Variants in ALDH1A3 observed in about 807,000 individuals in gnomAD.
The protein encoded by ALDH1A3 is aldehyde dehydrogenase 1 family member A3, also known as retinaldehyde dehydrogenase 3.
A neutral mutation model predicts 57.5 loss-of-function variants in ALDH1A3; 28 were observed. The ratio of observed to expected loss-of-function variants is 0.49; its 90% CI spans 0.36 to 0.67. ALDH1A3 has a LOEUF of 0.67. ALDH1A3 is among the 30% of genes least tolerant of loss of function. ALDH1A3 has a pLI of 0.00. For synonymous variants in ALDH1A3, 281 were observed against 264.8 expected, an observed-to-expected ratio of 1.06 and a Z score of -0.59; for missense variants, 507 against 669.4, an observed-to-expected ratio of 0.76 and a Z score of 2.68.
At chr15:100,899,286 G>A (rs1218459620) in intron 8 of ALDH1A3, among the ~76,000 whole-genome samples, 2 of 152,182 alleles carry the variant, frequency 1.3e-5, no homozygotes, top group Non-Finnish European at 2.9e-5. Context: ...GAGCATTTCT[G>A]GCACTGTGAC....
At chr15:100,902,890 C>T (rs2041783840) in intron 9 of ALDH1A3, among the ~76,000 whole-genome samples, 1 of 152,232 alleles carries the variant, frequency 6.6e-6, no homozygotes, top group South Asian at 2.1e-4. Flanking sequence ...ATGGCATATG[C>T]CCAGCAGCCA....
At position 100,900,557 on chromosome 15, in the gene ALDH1A3, T is replaced by C; in HGVS notation, c.884-18T>C. The C allele has an allele frequency of 1.3e-6, 2 of 1,563,364 alleles. No homozygotes were observed. Among genetic ancestry groups the C allele is most frequent in the African/African-American group, 1.4e-5 (1 of 73,784 alleles). On this transcript the variant is annotated intron_variant, in intron 8 of 12. Coordinates refer to ENST00000329841, the MANE Select transcript of ALDH1A3 (RefSeq NM_000693.4). ...CTTCCTCTCGCTCTGCCCGCCTCCCTCGCCCCTCCCCCTCCAGTGGACTTG... is the reference window on the plus strand; with the variant it reads ...CTTCCTCTCGCTCTGCCCGCCTCCCCCGCCCCTCCCCCTCCAGTGGACTTG...
chr15:100,899,917 G>T lies in ALDH1A3; in HGVS notation c.884-658G>T, dbSNP rs189614353. Among the ~76,000 whole-genome samples the T allele has an allele frequency of 1.1e-4, 16 of 152,244 alleles. No individual in the cohort carries two copies. In the East Asian group the frequency reaches 3.1e-3, roughly 29 times the overall value. The stretch of plus-strand genomic sequence containing the variant: ...TTTCTTAAGAAAGCAATAGTGCGGG[G>T]GTTGGTGGTGATGAAACCAGCCAAC... On this transcript the variant is annotated intron_variant, in intron 8 of 12. Coordinates refer to ENST00000329841, the MANE Select transcript of ALDH1A3 (RefSeq NM_000693.4).
intron 9 of ALDH1A3, among the ~76,000 whole-genome samples, chr15:100,902,956 G>A (rs4246325): frequency 0.11 from 16,341 of 152,216 alleles, 1,834 homozygotes; most frequent in African/African-American, 0.29. Context: ...CTCAGGGAGG[G>A]GAAGAGCAGC....
In ALDH1A3 at chr15:100,887,554, G is replaced by A. The variant is rs2041608594; in HGVS notation, c.205-18G>A. On this transcript the variant is annotated intron_variant, in intron 2 of 12. Transcript: ENST00000329841. The surrounding 1 kb of genome is among the most constrained non-coding windows in gnomAD (Gnocchi z 4.6). ...CGTCAAAAGATGACAGTCTCTCTCTGTTGTTCTGGTCGCTCAGCCCGACGT... is the reference window on the plus strand; with the variant it reads ...CGTCAAAAGATGACAGTCTCTCTCTATTGTTCTGGTCGCTCAGCCCGACGT... The A allele has an allele frequency of 6.4e-7, 1 of 1,563,390 alleles. No homozygotes were observed. The highest frequency in any genetic ancestry group is 8.7e-7 in the Non-Finnish European group (1 of 1,152,012).
Position 100,914,527 on chromosome 15 carries a change from C to T in ALDH1A3, c.1467-174C>T, listed in dbSNP as rs117639724. The T allele has an allele frequency of 1.3e-3, 721 of 572,786 alleles. 7 individuals carry two copies. The East Asian group carries it at 0.018, about 14-fold the overall frequency. The allele number at this position is 572,786 out of a possible 1,614,324, so 35.5% of individuals were successfully genotyped here. ...TACATTTAAGTCACATATGCAGCTA[C>T]TGACACTTACTAGTGCTGTTATAGT... On this transcript the variant is annotated intron_variant, in intron 12 of 12. Transcript: ENST00000329841.
intron 8 of ALDH1A3, among the ~76,000 whole-genome samples, chr15:100,899,943 G>A (rs141293693): frequency 2.6e-5 from 4 of 152,298 alleles, no homozygotes; most frequent in Non-Finnish European, 1.5e-5. Flanking sequence ...ACCAGCCAAC[G>A]GTTGAACACT....
Position 100,905,687 on chromosome 15 carries a change from G to A in ALDH1A3, c.1233G>A (p.Glu411=). The A allele has an allele frequency of 1.9e-6, 3 of 1,559,874 alleles. No individual in the cohort carries two copies. Among genetic ancestry groups the A allele is most frequent in the Non-Finnish European group, 2.6e-6 (3 of 1,152,430 alleles). The change falls in exon 10 of 13, where the codon GAG becomes GAA. Residue 411 remains glutamate (E), a splice_region_variant and synonymous_variant. Coordinates refer to ENST00000329841, the MANE Select transcript of ALDH1A3 (RefSeq NM_000693.4). ...ACAACATGCGGATTGCCAAAGAGGAGGTACAAGGGGGCTGTGGCAAGGCTA... is the reference window on the plus strand; with the variant it reads ...ACAACATGCGGATTGCCAAAGAGGAAGTACAAGGGGGCTGTGGCAAGGCTA... The part of the protein sequence containing the change: ...VTDNMRIAKE[E]IFGPVQPILK...
At chr15:100,884,648 G>GT (rs1470226910) in intron 1 of ALDH1A3, among the ~76,000 whole-genome samples, 1 of 151,292 alleles carries the variant, frequency 6.6e-6, no homozygotes. Context: ...TGTGACATAG[G>GT]TAAACATGCG....
In ALDH1A3 at chr15:100,892,252, A is replaced by G. The variant is rs1230334203; in HGVS notation, c.346-258A>G. The G allele has an allele frequency of 2.5e-5, 11 of 445,662 alleles. No individual in the cohort carries two copies. The East Asian group carries it at 4.5e-4, about 18-fold the overall frequency. 27.6% of individuals were successfully genotyped at this position (445,662 alleles called of 1,614,324 possible). ...GCCTGGCCTCCAAGGGGCCCTTCAA[A>G]GAGGGTGCATGTCTATGTTTTAGCC... is the stretch of plus-strand genomic sequence containing the variant. On this transcript the variant is annotated intron_variant, in intron 3 of 12. Coordinates refer to ENST00000329841, the MANE Select transcript of ALDH1A3 (RefSeq NM_000693.4).
At chr15:100,905,196 G>C (rs190104139) in intron 9 of ALDH1A3, among the ~76,000 whole-genome samples, 2 of 152,318 alleles carry the variant, frequency 1.3e-5, no homozygotes, top group African/African-American at 2.4e-5. Flanking sequence ...GTAAAGAGTT[G>C]GGAGAAGAAA....
chr15:100,901,031 A>G (rs1307572944), intron 9 of ALDH1A3, among the ~76,000 whole-genome samples: 1 of 151,984 alleles, frequency 6.6e-6, no homozygotes, highest in African/African-American at 2.4e-5. Context: ...CTCCAGGATG[A>G]CCTCCCTACA....
At chr15:100,908,739 G>A (rs543996980) in intron 12 of ALDH1A3, among the ~76,000 whole-genome samples, 1 of 152,266 alleles carries the variant, frequency 6.6e-6, no homozygotes, top group African/African-American at 2.4e-5. Context: ...TCATGCTGGG[G>A]ACATTCAGTG....
rs1160571609 is a variant in ALDH1A3 at position 100,887,592 on chromosome 15, G to A, written c.225G>A (p.Val75=). The change falls in exon 3 of 13, where the codon GTG becomes GTA. Residue 75 remains valine (V), a synonymous_variant. Coordinates refer to ENST00000329841, the MANE Select transcript of ALDH1A3 (RefSeq NM_000693.4). The surrounding 1 kb of genome is among the most constrained non-coding windows in gnomAD (Gnocchi z 4.6). The part of the protein sequence containing the change: ...EGDKPDVDKA[V]EAAQVAFQRG... ...CTCAGCCCGACGTGGACAAGGCTGT[G>A]GAGGCTGCACAGGTTGCCTTCCAGA... 5.6e-6 allele frequency: 9 copies of A among 1,608,502 alleles called. No individual in the cohort carries two copies. Among genetic ancestry groups the A allele is most frequent in the Admixed American group, 1.7e-5 (1 of 59,414 alleles).
intron 12 of ALDH1A3, chr15:100,914,266 T>C (rs898365994): frequency 1.3e-5 from 2 of 155,852 alleles, no homozygotes; most frequent in African/African-American, 4.8e-5. Flanking sequence ...CTGCCTCTTC[T>C]GTCTCCTCTT....
chr15:100,881,604 T>C (rs187024459), intron 1 of ALDH1A3: 1 of 152,338 alleles, frequency 6.6e-6, no homozygotes, highest in Non-Finnish European at 1.5e-5. Context: ...AGTGTAGATG[T>C]AGCCCTTATG....
chr15:100,902,744 A>G (rs1183274026), intron 9 of ALDH1A3, among the ~76,000 whole-genome samples: 1 of 152,186 alleles, frequency 6.6e-6, no homozygotes, highest in African/African-American at 2.4e-5. Flanking sequence ...ACTGTAAGGC[A>G]CCAGCTGACA....
intron 7 of ALDH1A3, 118 bp downstream of exon 7, chr15:100,896,164 T>C: frequency 1.2e-6 from 1 of 825,538 alleles, no homozygotes; most frequent in South Asian, 1.7e-5. Flanking sequence ...TGACCATGTT[T>C]TAGTACATAA....
chr15:100,890,198 G>T (rs528326525), intron 3 of ALDH1A3, among the ~76,000 whole-genome samples: 1 of 152,176 alleles, frequency 6.6e-6, no homozygotes, highest in Admixed American at 6.5e-5. Flanking sequence ...AAGCCCTGCC[G>T]TGCTGTTTTC....
Sources: allele counts gnomAD v4.1 joint callset (sites outside exome capture counted in the v4.1 genomes callset), GRCh38; gene constraint gnomAD v4.1.1; non-coding constraint Gnocchi (gnomAD v3.1); transcripts MANE v1.5; gene names NCBI Gene and HGNC (gene_info 2026-07-23, HGNC 2026-07-21).